Variants in CACNA1C observed in about 807,000 individuals in gnomAD.
CACNA1C encodes the protein calcium voltage-gated channel subunit alpha1 C, also known as voltage-dependent L-type calcium channel subunit alpha-1C.
A neutral mutation model predicts 229.0 loss-of-function variants in CACNA1C; 30 were observed. The ratio of observed to expected loss-of-function variants is 0.13; its 90% confidence interval spans 0.10 to 0.18. CACNA1C has a LOEUF of 0.18. Ranked by LOEUF, CACNA1C falls within the 10% of genes least tolerant of loss-of-function variation. The pLI is 1.00. For missense variants in CACNA1C, 1,658 were observed against 2,845.0 expected (o/e 0.58, Z 9.49); for synonymous variants, 1,114 against 1,132.5 (o/e 0.98, Z 0.33).
intron 42 of CACNA1C, among the ~76,000 whole-genome samples, chr12:2,680,989 C>A (rs1375235929): frequency 6.6e-6 from 1 of 152,158 alleles, no homozygotes; most frequent in Non-Finnish European, 1.5e-5. Flanking sequence ...GTCTTGGGGG[C>A]CTGCACCTGT....
intron 3 of CACNA1C, among the ~76,000 whole-genome samples, chr12:2,408,089 A>C (rs995230273): frequency 2.0e-5 from 3 of 152,234 alleles, no homozygotes; most frequent in African/African-American, 7.2e-5. Context: ...AACACACGCT[A>C]CAACATGGGT....
chr12:2,006,055 T>C (rs1456652268), intron 1 of CACNA1C, among the ~76,000 whole-genome samples: 1 of 152,218 alleles, frequency 6.6e-6, no homozygotes, highest in African/African-American at 2.4e-5. Flanking sequence ...ATTTCCAATA[T>C]GGTAAATATA....
intron 3 of CACNA1C, among the ~76,000 whole-genome samples, chr12:2,225,324 G>A (rs1270411577): frequency 6.6e-6 from 1 of 152,130 alleles, no homozygotes; most frequent in African/African-American, 2.4e-5. Context: ...CAGAAACTAG[G>A]CAACTAAAGA....
At chr12:2,139,441 C>T (rs890906909) in intron 3 of CACNA1C, among the ~76,000 whole-genome samples, 1 of 150,530 alleles carries the variant, frequency 6.6e-6, no homozygotes, top group Non-Finnish European at 1.5e-5. Flanking sequence ...AGCAGCGAGC[C>T]CTGTGCAAGA....
chr12:2,060,237 T>C (rs929718141), intron 1 of CACNA1C, among the ~76,000 whole-genome samples: 1 of 152,158 alleles, frequency 6.6e-6, no homozygotes, highest in Non-Finnish European at 1.5e-5. Context: ...CTGTGGGACT[T>C]CCCTGGTGAG....
intron 3 of CACNA1C, among the ~76,000 whole-genome samples, chr12:2,446,500 GTGGA>G (rs1278098079): frequency 2.8e-5 from 4 of 144,832 alleles, no homozygotes; most frequent in African/African-American, 5.1e-5. Context: ...GCGTCAGTGG[GTGGA>G]TGGATGGATG....
intron 3 of CACNA1C, among the ~76,000 whole-genome samples, chr12:2,317,419 C>G (rs1365133105): frequency 6.6e-6 from 1 of 152,180 alleles, no homozygotes; most frequent in Non-Finnish European, 1.5e-5. Context: ...CTGCATGACT[C>G]TATTTGTATG....
Position 2,348,856 on chromosome 12 carries a change from G to C in CACNA1C, c.478-100120G>C, listed in dbSNP as rs2097126269. On this transcript the variant is annotated intron_variant, in intron 3 of 46. Coordinates refer to ENST00000399655, the MANE Select transcript of CACNA1C (RefSeq NM_000719.7). This position sits in a 1 kb window ranked among gnomAD's most constrained non-coding sequence, Gnocchi z 4.7. Reference sequence around the variant, plus strand: ...ATGTTACCCGTCATGTCAGCATTCAGAGCCCGGCAGGAAAAAGCCTCCTTC... The same window carrying C: ...ATGTTACCCGTCATGTCAGCATTCACAGCCCGGCAGGAAAAAGCCTCCTTC... 6.6e-6 allele frequency among the ~76,000 whole-genome samples: 1 copy of C among 152,168 alleles called. No homozygotes were observed. Among genetic ancestry groups the C allele is most frequent in the Admixed American group, 6.5e-5 (1 of 15,286 alleles).
At chr12:1,997,702 A>T (rs992170329) in intron 1 of CACNA1C, among the ~76,000 whole-genome samples, 1 of 152,230 alleles carries the variant, frequency 6.6e-6, no homozygotes, top group South Asian at 2.1e-4. Flanking sequence ...CAATGATTTA[A>T]GTTCATCTAC....
chr12:2,391,981 G>A (rs374285140), intron 3 of CACNA1C, among the ~76,000 whole-genome samples: 98 of 152,326 alleles, frequency 6.4e-4, no homozygotes, highest in African/African-American at 2.1e-3. Context: ...CAGGAGTTCC[G>A]CTGGACAGCC....
chr12:2,511,538 G>T (rs1027648510), intron 8 of CACNA1C, among the ~76,000 whole-genome samples: 3 of 151,808 alleles, frequency 2.0e-5, no homozygotes, highest in Non-Finnish European at 2.9e-5. Context: ...AGACATCATG[G>T]CTCCAAGAAT....
At chr12:2,547,669 G>GTGTGTT (rs1409420644) in intron 9 of CACNA1C, 1 of 631,790 alleles carries the variant, frequency 1.6e-6, no homozygotes, top group Non-Finnish European at 2.9e-6. Context: ...GTGTGTGTGT[G>GTGTGTT]TGTTTGTGAA....
chr12:1,995,291 A>G (rs1475077886), intron 1 of CACNA1C, among the ~76,000 whole-genome samples: 1 of 152,258 alleles, frequency 6.6e-6, no homozygotes, highest in Non-Finnish European at 1.5e-5. Flanking sequence ...TCACTTCTCC[A>G]AAGAATCATA....
intron 38 of CACNA1C, among the ~76,000 whole-genome samples, chr12:2,671,175 C>T (rs950618381): frequency 2.0e-5 from 3 of 151,968 alleles, no homozygotes; most frequent in Non-Finnish European, 2.9e-5. Context: ...CCACCACGCC[C>T]GGCTAATTTT....
intron 3 of CACNA1C, among the ~76,000 whole-genome samples, chr12:2,309,347 G>C (rs556509827): frequency 6.6e-6 from 1 of 152,256 alleles, no homozygotes; most frequent in East Asian, 1.9e-4. Flanking sequence ...GGGCTTGGGG[G>C]AAGAGGTAAT....
At chr12:2,320,180 A>T (rs1490428596) in intron 3 of CACNA1C, among the ~76,000 whole-genome samples, 1 of 152,080 alleles carries the variant, frequency 6.6e-6, no homozygotes, top group Non-Finnish European at 1.5e-5. Context: ...TTGGGTTTCC[A>T]GTGGTTGGTC....
At chr12:2,573,698 G>A (rs1199435887) in intron 13 of CACNA1C, among the ~76,000 whole-genome samples, 3 of 152,234 alleles carry the variant, frequency 2.0e-5, no homozygotes, top group Non-Finnish European at 4.4e-5. Context: ...ATCCAGAGCA[G>A]CTGGATAGTG....
chr12:2,413,296 C>T (rs1055138865), intron 3 of CACNA1C, among the ~76,000 whole-genome samples: 7 of 152,180 alleles, frequency 4.6e-5, no homozygotes, highest in East Asian at 3.9e-4. Context: ...GGATTACAGG[C>T]GTGAGCCACC....
In CACNA1C at chr12:2,651,506, G is replaced by A; in HGVS notation, c.3946-134G>A. ...TGGGCGGCCGCCCTCCCATCGGAGG[G>A]GGAAGTCTAGTGCAGCAAACCCTGG... On this transcript the variant is annotated intron_variant, in intron 31 of 46. Transcript: ENST00000399655. This position sits in a 1 kb window ranked among gnomAD's most constrained non-coding sequence, Gnocchi z 5.4. The A allele has an allele frequency of 3.0e-6, 4 of 1,352,042 alleles. No individual in the cohort carries two copies. In the South Asian group the frequency reaches 3.7e-5, roughly 12 times the overall value. The allele number at this position is 1,352,042 out of a possible 1,614,324, so 83.8% of individuals were successfully genotyped here.
Sources: allele counts gnomAD v4.1 joint callset (sites outside exome capture counted in the v4.1 genomes callset), GRCh38; gene constraint gnomAD v4.1.1; non-coding constraint Gnocchi (gnomAD v3.1); transcripts MANE v1.5; gene names NCBI Gene and HGNC (gene_info 2026-07-23, HGNC 2026-07-21).